Variants in FAM20C observed in about 807,000 individuals in gnomAD.
FAM20C encodes extracellular serine/threonine protein kinase FAM20C.
FAM20C carries 40 observed loss-of-function variants against 51.5 expected under a neutral mutation model. The ratio of observed to expected loss-of-function variants is 0.78; its 90% CI spans 0.60 to 1.01. FAM20C has a LOEUF of 1.01. Among genes scored for constraint, FAM20C ranks in the 50% least tolerant of loss-of-function variants. The pLI, the probability that FAM20C is intolerant of heterozygous loss-of-function variation, is 0.00. For missense variants in FAM20C, 861 were observed against 844.7 expected (o/e 1.02, Z -0.24); for synonymous variants, 406 against 380.6 (o/e 1.07, Z -0.78).
At chr7:207,089 G>T (rs113508109) in intron 2 of FAM20C, among the ~76,000 whole-genome samples, 1 of 27,398 alleles carries the variant, frequency 3.6e-5, no homozygotes, top group Non-Finnish European at 7.4e-5. Context: ...GTGACGCGTC[G>T]GTCACTGTCC....
At position 231,304 on chromosome 7, in the gene FAM20C, G is replaced by A. The variant is rs111982694; in HGVS notation, c.864-15111G>A. On this transcript the variant is annotated intron_variant, in intron 3 of 9. Transcript: ENST00000313766. ...GCCCGGGGTGGCCGGGGCGGGAGAC[G>A]TCGACTGACACTTTGGTGGTGGTGA... 6.6e-3 allele frequency among the ~76,000 whole-genome samples: 1,012 copies of A among 152,286 alleles called. 15 individuals are homozygous for A. Among genetic ancestry groups the A allele is most frequent in the African/African-American group, 0.023 (959 of 41,540 alleles).
chr7:195,252 C>T (rs895171870), intron 1 of FAM20C: 64 of 315,556 alleles, frequency 2.0e-4, no homozygotes, highest in African/African-American at 9.4e-4. Context: ...ACAGACGTGG[C>T]GGGGATGGCA....
Position 224,113 on chromosome 7 carries a change from A to G in FAM20C, c.863+15137A>G, listed in dbSNP as rs544840577. Among the ~76,000 whole-genome samples the G allele has an allele frequency of 5.8e-3, 655 of 112,888 alleles. 14 individuals carry two copies. Among genetic ancestry groups the G allele is most frequent in the African/African-American group, 0.023 (570 of 25,088 alleles). The allele number at this position is 112,888 out of a possible 152,430, so 74.1% of individuals were successfully genotyped here. On this transcript the variant is annotated intron_variant, in intron 3 of 9. Transcript: ENST00000313766. Reference sequence around the variant, plus strand: ...GGCTGTCCCCTGAGCCTTCTCTCACAGAGCAGAACGGCACCCTCACGGGGG... The same window carrying G: ...GGCTGTCCCCTGAGCCTTCTCTCACGGAGCAGAACGGCACCCTCACGGGGG...
At chr7:198,673 C>G (rs569977312) in intron 2 of FAM20C, among the ~76,000 whole-genome samples, 3 of 152,306 alleles carry the variant, frequency 2.0e-5, no homozygotes, top group African/African-American at 7.2e-5. Flanking sequence ...CATCTGGCCT[C>G]ACAGGGTTGT....
chr7:256,511 G>A, intron 6 of FAM20C, 143 bp from the exon 7 acceptor site: 1 of 684,792 alleles, frequency 1.5e-6, no homozygotes, highest in South Asian at 1.8e-5. Context: ...TCCCGCTAAT[G>A]CAGCCTCAGC....
chr7:202,827 A>G (rs1786196784), intron 2 of FAM20C, among the ~76,000 whole-genome samples: 1 of 152,246 alleles, frequency 6.6e-6, no homozygotes, highest in African/African-American at 2.4e-5. Context: ...GCCCGTGGAC[A>G]TCTTCCTGTG....
chr7:200,220 C>T (rs1562363474), intron 2 of FAM20C, among the ~76,000 whole-genome samples: 1 of 151,786 alleles, frequency 6.6e-6, no homozygotes, highest in South Asian at 2.1e-4. Context: ...ACTGTTCCCC[C>T]TCCCACCCAC....
chr7:195,620 C>T lies in FAM20C; in HGVS notation c.672C>T (p.Pro224=). The change falls in exon 2 of 10, where the codon CCC becomes CCT. Residue 224 remains proline (P), a synonymous_variant. Coordinates refer to ENST00000313766, the MANE Select transcript of FAM20C (RefSeq NM_020223.4). ...GGGAGGCGGCCGTGGACTCCTATCC[C>T]AACTGGCTCAAGTTCCACATTGGTA... ...SPGEAAVDSY[P]NWLKFHIGIN... 1 of 1,610,102 alleles carries T rather than the reference C, an allele frequency of 6.2e-7. No homozygotes were observed.
intron 3 of FAM20C, among the ~76,000 whole-genome samples, chr7:230,448 G>A (rs980644051): frequency 3.3e-5 from 5 of 150,300 alleles, no homozygotes; most frequent in African/African-American, 1.2e-4. Flanking sequence ...GAGCCTCGTG[G>A]CTGGACCTCT....
intron 2 of FAM20C, among the ~76,000 whole-genome samples, chr7:198,909 C>A (rs1786008359): frequency 6.6e-6 from 1 of 152,158 alleles, no homozygotes; most frequent in African/African-American, 2.4e-5. Context: ...GATGCTGGGC[C>A]CTATTCTCCC....
intron 4 of FAM20C, 22 bp from the exon 5 acceptor site, chr7:248,293 T>TCCCC: frequency 6.6e-7 from 1 of 1,520,786 alleles, no homozygotes; most frequent in African/African-American, 1.4e-5. Flanking sequence ...GCACAGACCA[T>TCCCC]TCCCCGCCCG....
rs755206779 is a variant in FAM20C at position 256,706 on chromosome 7, G to A, written c.1306G>A (p.Asp436Asn). ...GGAGGTGAAGCAGACACCGCCCTAC[G>A]ACAGCAGCCACCGCATCCTGGACGT... ...CEEVKQTPPY[D>N]SSHRILDVMD... Residue 436 changes from aspartate to asparagine, a missense_variant, in exon 7 of 10, where the codon GAC becomes AAC. Coordinates refer to ENST00000313766, the MANE Select transcript of FAM20C (RefSeq NM_020223.4). 1.4e-5 allele frequency: 22 copies of A among 1,536,008 alleles called. No individual in the cohort carries two copies. Among genetic ancestry groups the A allele is most frequent in the African/African-American group, 9.6e-5 (7 of 73,060 alleles).
chr7:207,787 C>G (rs1039115011), intron 2 of FAM20C, among the ~76,000 whole-genome samples: 1 of 152,176 alleles, frequency 6.6e-6, no homozygotes, highest in Non-Finnish European at 1.5e-5. Context: ...CCTGGAGGCC[C>G]TCGCTGTGGC....
At chr7:217,187 A>ACC (rs1787023505) in intron 3 of FAM20C, among the ~76,000 whole-genome samples, 1 of 151,362 alleles carries the variant, frequency 6.6e-6, no homozygotes, top group Non-Finnish European at 1.5e-5. Context: ...GGGGCTGCTG[A>ACC]CCCCCCGAGG....
At chr7:252,427 C>A (rs545191539) in intron 5 of FAM20C, among the ~76,000 whole-genome samples, 20 of 151,606 alleles carry the variant, frequency 1.3e-4, no homozygotes, top group Non-Finnish European at 1.9e-4. Flanking sequence ...CTCGGAGGCC[C>A]TGCTGGAGCC....
At chr7:233,295 A>G (rs1240231305) in intron 3 of FAM20C, among the ~76,000 whole-genome samples, 3 of 152,204 alleles carry the variant, frequency 2.0e-5, no homozygotes, top group Admixed American at 6.5e-5. Context: ...TCTAAGTGTC[A>G]TGAGCCTTAG....
intron 3 of FAM20C, among the ~76,000 whole-genome samples, chr7:242,956 C>T (rs1199925814): frequency 1.3e-5 from 2 of 151,750 alleles, no homozygotes; most frequent in Non-Finnish European, 2.9e-5. Flanking sequence ...ACCTGTGCCA[C>T]CCGGGATACC....
rs1583349837 is a variant in FAM20C, at chr7:259,816, G to A, written c.1591G>A (p.Gly531Arg). 4 of 1,536,526 alleles carry A rather than the reference G, an allele frequency of 2.6e-6. No homozygotes were observed. The highest frequency in any genetic ancestry group is 1.7e-4 in the Middle Eastern group (1 of 5,990). Residue 531 changes from glycine to arginine, a missense_variant, in exon 10 of 10, where the codon GGG becomes AGG. Transcript: ENST00000313766. ...LSLLMAESLR[G>R]DQVAPVLYQP... is the part of the protein sequence containing the mutation. The stretch of plus-strand genomic sequence containing the variant: ...CCTGCTGATGGCCGAGTCTCTGCGG[G>A]GGGACCAGGTGGCACCCGTGCTGTA...
At chr7:243,036 C>A (rs887819865) in intron 3 of FAM20C, among the ~76,000 whole-genome samples, 1 of 144,532 alleles carries the variant, frequency 6.9e-6, no homozygotes. Context: ...AACCAGGAGA[C>A]CTGTGCCACC....
Sources: gnomAD v4.1 joint callset for allele counts (sites outside exome capture counted in the v4.1 genomes callset) on GRCh38, gnomAD v4.1.1 for gene constraint, MANE v1.5 for transcripts, NCBI Gene and HGNC (gene_info 2026-07-23, HGNC 2026-07-21) for gene names.